COL23A1: variants seen among roughly 807,000 people sequenced by gnomAD.
The protein encoded by COL23A1 is collagen type XXIII alpha 1 chain.
Under a neutral mutation model 99.3 loss-of-function variants are expected in COL23A1, and 97 were observed. The ratio of observed to expected loss-of-function variants is 0.98; its 90% CI spans 0.83 to 1.16. COL23A1 has a LOEUF of 1.16. Ranked by LOEUF, COL23A1 falls within the 50% of genes most tolerant of loss-of-function variation. COL23A1 has a pLI of 0.00. For synonymous variants in COL23A1, 320 were observed against 308.2 expected (o/e 1.04, Z -0.40); for missense variants, 762 against 757.4 (o/e 1.01, Z -0.07).
intron 2 of COL23A1, among the ~76,000 whole-genome samples, chr5:178,472,776 T>C (rs1365008031): frequency 2.0e-5 from 3 of 152,162 alleles, no homozygotes; most frequent in Admixed American, 6.5e-5. Flanking sequence ...CAGCCCTCCA[T>C]ATCCATGGAT....
chr5:178,326,016 G>T (rs555882377), intron 2 of COL23A1, among the ~76,000 whole-genome samples: 1 of 152,148 alleles, frequency 6.6e-6, no homozygotes, highest in Non-Finnish European at 1.5e-5. Context: ...CCTAGTAAAC[G>T]GCTCTTAACC....
At chr5:178,357,533 A>T (rs1761727679) in intron 2 of COL23A1, among the ~76,000 whole-genome samples, 1 of 152,190 alleles carries the variant, frequency 6.6e-6, no homozygotes, top group African/African-American at 2.4e-5. Context: ...AGGAAAACAT[A>T]TTTTGGAATC....
intron 2 of COL23A1, among the ~76,000 whole-genome samples, chr5:178,454,214 G>C (rs531711472): frequency 7.0e-6 from 1 of 143,322 alleles, no homozygotes; most frequent in East Asian, 2.3e-4. Flanking sequence ...TCAAGGACCA[G>C]GTTAACAAAG....
chr5:178,257,668 C>T (rs1375306677), intron 12 of COL23A1, 101 bp from the exon 13 acceptor site: 2 of 1,238,006 alleles, frequency 1.6e-6, no homozygotes, highest in Non-Finnish European at 1.2e-6. Flanking sequence ...CTCCTGGCAT[C>T]TGCACTGGCA....
At chr5:178,409,734 T>A (rs1764967272) in intron 2 of COL23A1, among the ~76,000 whole-genome samples, 1 of 152,218 alleles carries the variant, frequency 6.6e-6, no homozygotes, top group Admixed American at 6.5e-5. Flanking sequence ...TATGTAGAAC[T>A]CAGAAATGGA....
rs570149893 is a variant in COL23A1, at chr5:178,437,036, G to C, written c.361+123646C>G. ...TGTGTAGAACAGGGATTTGAACCTG[G>C]GACTGTCTATTGCCAAGTCATATAT... is the stretch of plus-strand genomic sequence containing the variant. On this transcript the variant is annotated intron_variant, in intron 2 of 28. Transcript: ENST00000390654. 3.3e-5 allele frequency among the ~76,000 whole-genome samples: 5 copies of C among 152,060 alleles called. No individual in the cohort carries two copies. The South Asian group carries it at 1.0e-3, about 32-fold the overall frequency.
At chr5:178,381,405 G>C (rs1466129556) in intron 2 of COL23A1, among the ~76,000 whole-genome samples, 1 of 152,224 alleles carries the variant, frequency 6.6e-6, no homozygotes, top group Non-Finnish European at 1.5e-5. Flanking sequence ...ACTCAGAGCA[G>C]AAGGTGTGTC....
chr5:178,343,183 A>G (rs1266227395), intron 2 of COL23A1, among the ~76,000 whole-genome samples: 2 of 152,332 alleles, frequency 1.3e-5, no homozygotes, highest in Non-Finnish European at 2.9e-5. Flanking sequence ...GGACCAGCAC[A>G]TGGTTCAAGA....
At chr5:178,312,775 A>G (rs2913775) in intron 2 of COL23A1, among the ~76,000 whole-genome samples, 128,627 of 152,128 alleles carry the variant, frequency 0.85, 55,101 homozygotes, top group African/African-American at 0.93. Context: ...CCCAACCCTG[A>G]TCCTCCCTTC....
chr5:178,404,704 C>T (rs145214213), intron 2 of COL23A1, among the ~76,000 whole-genome samples: 2 of 152,240 alleles, frequency 1.3e-5, no homozygotes, highest in Non-Finnish European at 2.9e-5. Flanking sequence ...TAACCAGACC[C>T]CTCATGTCCT....
chr5:178,330,481 C>A (rs186399150), intron 2 of COL23A1, among the ~76,000 whole-genome samples: 1 of 152,170 alleles, frequency 6.6e-6, no homozygotes, highest in East Asian at 1.9e-4. Flanking sequence ...CATGGTGAGA[C>A]CTCGTCTCTA....
At chr5:178,259,227 G>T (rs1765497552) in intron 12 of COL23A1, among the ~76,000 whole-genome samples, 1 of 152,116 alleles carries the variant, frequency 6.6e-6, no homozygotes, top group Admixed American at 6.5e-5. Context: ...GCTGGCCTTG[G>T]AGGAGGGTTT....
Position 178,572,064 on chromosome 5 carries a change from T to C in COL23A1, c.295-11316A>G, listed in dbSNP as rs1185675605. ...GCCTGGGTGACAGAGCGAGACTCTTTCTCAAAACAAAAAAAAAAAAGACCT... is the reference window on the plus strand; with the variant it reads ...GCCTGGGTGACAGAGCGAGACTCTTCCTCAAAACAAAAAAAAAAAAGACCT... On this transcript the variant is annotated intron_variant, in intron 1 of 28. Transcript: ENST00000390654. Among the ~76,000 whole-genome samples the C allele has an allele frequency of 5.3e-5, 3 of 56,438 alleles. No individual in the cohort carries two copies. The African/African-American group carries it at 6.0e-4, about 11-fold the overall frequency. The allele number at this position is 56,438 out of a possible 152,430, so 37.0% of individuals were successfully genotyped here. A position where few individuals can be genotyped will look rare whatever the true frequency, so the allele number is the denominator to read the frequency against.
At chr5:178,547,556 TACACACCCCCAC>T (rs1459190205) in intron 2 of COL23A1, among the ~76,000 whole-genome samples, 19 of 28,820 alleles carry the variant, frequency 6.6e-4, no homozygotes, top group African/African-American at 2.0e-3. Flanking sequence ...CACACCCCCA[TACACACCCCCAC>T]ACACACCTAC....
chr5:178,553,169 TA>T (rs55857926), intron 2 of COL23A1, among the ~76,000 whole-genome samples: 25,188 of 134,950 alleles, frequency 0.19, 4,804 homozygotes, highest in African/African-American at 0.47. Flanking sequence ...GATCCTATCT[TA>T]AAAAAAAAAA....
intron 12 of COL23A1, 113 bp from the exon 13 acceptor site, chr5:178,257,680 A>C: frequency 8.8e-7 from 1 of 1,138,538 alleles, no homozygotes; most frequent in Non-Finnish European, 1.3e-6. Context: ...GCACTGGCAC[A>C]TGGTACCAGG....
intron 2 of COL23A1, among the ~76,000 whole-genome samples, chr5:178,408,415 T>G (rs1198246913): frequency 6.6e-6 from 1 of 152,118 alleles, no homozygotes; most frequent in Non-Finnish European, 1.5e-5. Context: ...TGGGTAAATA[T>G]AATAGGTCTT....
At chr5:178,283,719 G>A (rs1005809806) in intron 5 of COL23A1, among the ~76,000 whole-genome samples, 9 of 152,230 alleles carry the variant, frequency 5.9e-5, no homozygotes, top group Non-Finnish European at 8.8e-5. Context: ...TGATGAGAAA[G>A]TCTAATGTTT....
chr5:178,341,953 A>G (rs1336445686), intron 2 of COL23A1, among the ~76,000 whole-genome samples: 2 of 151,974 alleles, frequency 1.3e-5, no homozygotes, highest in African/African-American at 2.4e-5. Context: ...GGCACTGGAG[A>G]TTGCCCTCAC....
Sources: gnomAD v4.1 joint callset for allele counts (sites outside exome capture counted in the v4.1 genomes callset) on GRCh38, gnomAD v4.1.1 for gene constraint, MANE v1.5 for transcripts, NCBI Gene and HGNC (gene_info 2026-07-23, HGNC 2026-07-21) for gene names.